KCNMA1: variants seen among roughly 807,000 people sequenced by gnomAD.
KCNMA1 encodes the protein Calcium-activated potassium channel subunit alpha-1.
In KCNMA1, 29 loss-of-function variants were observed where a neutral mutation model predicts 140.0. The ratio of observed to expected loss-of-function variants is 0.21; its 90% CI spans 0.15 to 0.28. KCNMA1 has a LOEUF of 0.28. Ranked by LOEUF, KCNMA1 falls within the 10% of genes least tolerant of loss-of-function variation. The pLI, the probability that KCNMA1 is intolerant of heterozygous loss-of-function variation, is 1.00. For synonymous variants in KCNMA1, 612 were observed against 611.9 expected (o/e 1.00, Z 0.00); for missense variants, 880 against 1,602.2 (o/e 0.55, Z 7.70).
chr10:76,909,869 C>T (rs1385377571), intron 25 of KCNMA1, 97 bp downstream of exon 25: 3 of 1,322,368 alleles, frequency 2.3e-6, no homozygotes, highest in Non-Finnish European at 3.2e-6. Context: ...TTGCTCTCCA[C>T]TGTGGCCCCA....
intron 17 of KCNMA1, among the ~76,000 whole-genome samples, chr10:77,016,983 A>C (rs977817235): frequency 6.6e-6 from 1 of 151,976 alleles, no homozygotes; most frequent in South Asian, 2.1e-4. Flanking sequence ...TGCAGTCTTC[A>C]TCTATTTGAG....
chr10:77,449,984 C>CT (rs1672317029), intron 1 of KCNMA1, among the ~76,000 whole-genome samples: 1 of 149,878 alleles, frequency 6.7e-6, no homozygotes, highest in Admixed American at 6.6e-5. Context: ...GTGTCTCACT[C>CT]TGTCACCCAG....
intron 1 of KCNMA1, among the ~76,000 whole-genome samples, chr10:77,590,276 C>G (rs1003877649): frequency 4.6e-5 from 7 of 152,254 alleles, no homozygotes; most frequent in Non-Finnish European, 8.8e-5. Context: ...CCGCGCCGTG[C>G]GCCCGCACTC....
At chr10:77,092,301 A>G (rs764995011) in intron 9 of KCNMA1, 1 of 152,240 alleles carries the variant, frequency 6.6e-6, no homozygotes, top group Non-Finnish European at 1.5e-5. Flanking sequence ...GCACATGTAC[A>G]TTTACATGGA....
chr10:77,090,753 A>G (rs1484775875), intron 9 of KCNMA1: 2 of 569,158 alleles, frequency 3.5e-6, no homozygotes, highest in African/African-American at 1.9e-5. Flanking sequence ...ACAAAATCCT[A>G]TTAAAAGCCC....
intron 18 of KCNMA1, chr10:77,008,119 A>C (rs1209323301): frequency 7.0e-7 from 1 of 1,438,478 alleles, no homozygotes; most frequent in Non-Finnish European, 9.4e-7. Flanking sequence ...AAATTAAAAG[A>C]GTATCTCTTC....
At chr10:77,536,675 T>C (rs2058966603) in intron 1 of KCNMA1, among the ~76,000 whole-genome samples, 2 of 152,132 alleles carry the variant, frequency 1.3e-5, no homozygotes, top group South Asian at 4.1e-4. Flanking sequence ...GGGGTTGGAA[T>C]TGGGTACTCT....
intron 2 of KCNMA1, among the ~76,000 whole-genome samples, chr10:77,339,892 A>G (rs184674507): frequency 5.1e-4 from 77 of 152,312 alleles, no homozygotes; most frequent in African/African-American, 1.8e-3. Flanking sequence ...CAAAGTCTGA[A>G]GCTCTCCATC....
chr10:76,882,367 A>C (rs2035003863), downstream of KCNMA1, among the ~76,000 whole-genome samples: 2 of 152,122 alleles, frequency 1.3e-5, no homozygotes, highest in Non-Finnish European at 2.9e-5. Flanking sequence ...AACCGTGGAG[A>C]ACAGTAAGGG....
At chr10:77,289,821 C>A (rs895215929) in intron 2 of KCNMA1, among the ~76,000 whole-genome samples, 5 of 152,080 alleles carry the variant, frequency 3.3e-5, no homozygotes, top group Non-Finnish European at 5.9e-5. Context: ...GTTATTCTTG[C>A]AAATTTCTAC....
chr10:77,320,329 G>T (rs1479705280), intron 2 of KCNMA1, among the ~76,000 whole-genome samples: 1 of 152,196 alleles, frequency 6.6e-6, no homozygotes, highest in African/African-American at 2.4e-5. Flanking sequence ...GACATAAGAT[G>T]TCTTCAAGAA....
chr10:77,566,455 G>A (rs1222995926), intron 1 of KCNMA1, among the ~76,000 whole-genome samples: 30 of 152,192 alleles, frequency 2.0e-4, no homozygotes, highest in Admixed American at 1.6e-3. Flanking sequence ...GCTGTCCCAC[G>A]GAAGGCCAGT....
chr10:77,607,940 C>G (rs533726723), intron 1 of KCNMA1, among the ~76,000 whole-genome samples: 48 of 152,284 alleles, frequency 3.2e-4, no homozygotes, highest in Non-Finnish European at 4.6e-4. Context: ...AAGTAATTCA[C>G]AAAAGAGACC....
At chr10:77,381,636 CT>C (rs111735976) in intron 2 of KCNMA1, among the ~76,000 whole-genome samples, 2 of 151,640 alleles carry the variant, frequency 1.3e-5, no homozygotes, top group African/African-American at 2.4e-5. Context: ...GTTTCAATGA[CT>C]TTTTTTTTAA....
exon 28 of KCNMA1, chr10:76,869,658 G>A (rs556249937): frequency 9.8e-5 from 15 of 152,684 alleles, no homozygotes; most frequent in African/African-American, 3.4e-4. Context: ...ATGAAACCAT[G>A]TACAAGTTAT....
intron 2 of KCNMA1, among the ~76,000 whole-genome samples, chr10:77,362,855 T>G (rs147388665): frequency 6.6e-6 from 1 of 152,230 alleles, no homozygotes; most frequent in Admixed American, 6.5e-5. Flanking sequence ...ACATAGTGCC[T>G]GCTGCTGTCT....
At chr10:77,196,499 A>G (rs1235284745) in intron 3 of KCNMA1, among the ~76,000 whole-genome samples, 6 of 152,192 alleles carry the variant, frequency 3.9e-5, no homozygotes, top group Non-Finnish European at 8.8e-5. Context: ...CATTCAAAGG[A>G]TCTTTTTACT....
chr10:77,279,460 T>C (rs1244481873), intron 2 of KCNMA1, among the ~76,000 whole-genome samples: 1 of 152,160 alleles, frequency 6.6e-6, no homozygotes. Context: ...ATAACACTAC[T>C]TTGTGGTTAA....
In KCNMA1 at chr10:77,001,555, C is replaced by T; in HGVS notation, c.2118G>A (p.Met706Ile). 1 of 1,552,072 alleles carries T rather than the reference C, an allele frequency of 6.4e-7. No homozygotes were observed. The highest frequency in any genetic ancestry group is 1.4e-5 in the African/African-American group (1 of 73,174). Residue 706 changes from methionine (M) to isoleucine (I), a missense_variant, in exon 19 of 28, where the codon ATG becomes ATA. Physicochemically the swap from Met to Ile is conservative, Grantham distance 10. Transcript: ENST00000286628. ...CGCAATCAAAACAACATGCCCGTCT[C>T]ATTCTCTTGTAGATGGACATCTTGG... is the stretch of plus-strand genomic sequence containing the variant. Reference protein sequence around the residue: ...KRPKMSIYKRMRRACCFDCGR... With the variant: ...KRPKMSIYKRIRRACCFDCGR...
Sources: allele counts gnomAD v4.1 joint callset (sites outside exome capture counted in the v4.1 genomes callset), GRCh38; gene constraint gnomAD v4.1.1; transcripts MANE v1.5; gene names NCBI Gene and HGNC (gene_info 2026-07-23, HGNC 2026-07-21).